The following LYZL2 variants were observed in gnomAD, a reference collection of about 807,000 sequenced individuals.
LYZL2 encodes the protein lysozyme like 2.
Under a neutral mutation model 17.1 loss-of-function variants are expected in LYZL2, and 13 were observed. The ratio of observed to expected loss-of-function variants is 0.76; its 90% CI spans 0.49 to 1.21. LYZL2 has a LOEUF of 1.21. Ranked by LOEUF, LYZL2 falls within the 50% of genes most tolerant of loss-of-function variation. LYZL2 has a pLI of 0.00. For missense variants in LYZL2, 166 were observed against 189.2 expected (o/e 0.88, Z 0.72); for synonymous variants, 63 against 74.4 (o/e 0.85, Z 0.79).
At chr10:30,624,820 C>G (rs1200620834) in intron 3 of LYZL2, among the ~76,000 whole-genome samples, 1 of 152,154 alleles carries the variant, frequency 6.6e-6, no homozygotes, top group Non-Finnish European at 1.5e-5. Flanking sequence ...GCAAAAGGGA[C>G]TCTGCCTGAG....
chr10:30,617,479 C>T (rs1838546462), intron 3 of LYZL2, among the ~76,000 whole-genome samples: 1 of 151,682 alleles, frequency 6.6e-6, no homozygotes, highest in African/African-American at 2.4e-5. Flanking sequence ...AGTTTGAGAC[C>T]AGCCTGGCCA....
rs1256071933 is a variant in LYZL2, at chr10:30,612,008, G to A, written c.394C>T (p.His132Tyr). 1 of 1,614,148 alleles carries A rather than the reference G, an allele frequency of 6.2e-7. No individual in the cohort carries two copies. Among genetic ancestry groups the A allele is most frequent in the South Asian group, 1.1e-5 (1 of 91,080 alleles). The stretch of plus-strand genomic sequence containing the variant: ...TCGGACAGGTCTCTCCCCTCACAGT[G>A]TTTCTTCCAGCCTTGCCTGAGGACG... Reference protein sequence around the residue: ...GMNYWQGWKKHCEGRDLSDWK... With the variant: ...GMNYWQGWKKYCEGRDLSDWK... The change falls in exon 5 of 5, where the codon CAC becomes TAC. Residue 132 changes from histidine to tyrosine, a missense_variant. Physicochemically the swap from His to Tyr is moderately conservative, Grantham distance 83. This residue lies in a region of LYZL2 where 134 missense variants were observed against 129.4 expected (regional missense o/e 1.04). Transcript: ENST00000647634.
At chr10:30,629,077 G>A (rs1838764786) in intron 1 of LYZL2, among the ~76,000 whole-genome samples, 1 of 152,160 alleles carries the variant, frequency 6.6e-6, no homozygotes, top group Non-Finnish European at 1.5e-5. Context: ...AAGCTGTGAG[G>A]GACAGACAAA....
At chr10:30,607,947 G>A (rs1838394543), downstream of LYZL2, among the ~76,000 whole-genome samples, 2 of 152,130 alleles carry the variant, frequency 1.3e-5, no homozygotes, top group African/African-American at 4.8e-5. Flanking sequence ...GGCCTGGAGT[G>A]GGCTAATTAG....
rs1330832371 is a variant in LYZL2 at position 30,611,916 on chromosome 10, T to C, written c.*39A>G. Reference sequence around the variant, plus strand: ...GCATTTGGACATTCACTGCAAACCCTAGGGCGTTGCTGCAAAGCATCCTGG... The same window carrying C: ...GCATTTGGACATTCACTGCAAACCCCAGGGCGTTGCTGCAAAGCATCCTGG... On this transcript the variant is annotated 3_prime_UTR_variant, in exon 5 of 5. Coordinates refer to ENST00000647634, the MANE Select transcript of LYZL2 (RefSeq NM_183058.3). 5.0e-6 allele frequency: 8 copies of C among 1,614,080 alleles called. No individual in the cohort carries two copies. The highest frequency in any genetic ancestry group is 1.7e-5 in the Admixed American group (1 of 60,012).
intron 3 of LYZL2, among the ~76,000 whole-genome samples, chr10:30,624,198 G>A (rs1267215725): frequency 6.6e-6 from 1 of 152,176 alleles, no homozygotes; most frequent in Non-Finnish European, 1.5e-5. Flanking sequence ...GCACTCAGAG[G>A]CCAACACACA....
chr10:30,608,592 G>C (rs1235971787), downstream of LYZL2, among the ~76,000 whole-genome samples: 1 of 152,166 alleles, frequency 6.6e-6, no homozygotes, highest in East Asian at 1.9e-4. Flanking sequence ...AGGGCAGCAG[G>C]GGCCTCTTGG....
chr10:30,624,320 T>C (rs1838669956), intron 3 of LYZL2, among the ~76,000 whole-genome samples: 1 of 152,204 alleles, frequency 6.6e-6, no homozygotes, highest in Non-Finnish European at 1.5e-5. Context: ...CATATACATA[T>C]AATATCTTCC....
chr10:30,618,374 C>G (rs1005329347), intron 3 of LYZL2, among the ~76,000 whole-genome samples: 2 of 152,204 alleles, frequency 1.3e-5, no homozygotes, highest in Non-Finnish European at 2.9e-5. Flanking sequence ...TCAAGTCAAT[C>G]CTAAGCCAAA....
At chr10:30,624,271 A>G (rs1269173841) in intron 3 of LYZL2, among the ~76,000 whole-genome samples, 2 of 152,194 alleles carry the variant, frequency 1.3e-5, no homozygotes, top group Non-Finnish European at 2.9e-5. Flanking sequence ...AAGAGTAGGC[A>G]TCAGCAGGGA....
At chr10:30,628,251 T>A (rs1406937214) in intron 1 of LYZL2, among the ~76,000 whole-genome samples, 3 of 152,214 alleles carry the variant, frequency 2.0e-5, no homozygotes, top group African/African-American at 7.2e-5. Context: ...CATTTCAAAA[T>A]GTGGGAGCAT....
At chr10:30,623,658 T>C (rs188054869) in intron 3 of LYZL2, among the ~76,000 whole-genome samples, 2 of 152,236 alleles carry the variant, frequency 1.3e-5, no homozygotes, top group African/African-American at 4.8e-5. Flanking sequence ...TCCGTCACTG[T>C]CTCCCATCAC....
At position 30,626,114 on chromosome 10, in the gene LYZL2, C is replaced by G; in HGVS notation, c.289G>C (p.Ala97Pro). The G allele has an allele frequency of 6.2e-7, 1 of 1,613,770 alleles. No individual in the cohort carries two copies. Among genetic ancestry groups the G allele is most frequent in the Non-Finnish European group, 8.5e-7 (1 of 1,179,788 alleles). Residue 97 changes from alanine (A) to proline (P), a missense_variant, in exon 3 of 5, where the codon GCC becomes CCC. Coordinates refer to ENST00000647634, the MANE Select transcript of LYZL2 (RefSeq NM_183058.3). ...KLKENNHCHVACSALVTDDLT... is the reference protein window; with the variant it reads ...KLKENNHCHVPCSALVTDDLT... Reference sequence around the variant, plus strand: ...AAAGTCAGAGCCTCACCTGAGCAGGCGACGTGGCAGTGGTTGTTCTCCTTC... The same window carrying G: ...AAAGTCAGAGCCTCACCTGAGCAGGGGACGTGGCAGTGGTTGTTCTCCTTC...
intron 3 of LYZL2, 87 bp downstream of exon 3, chr10:30,626,018 A>G (rs1838695448): frequency 6.5e-7 from 1 of 1,535,664 alleles, no homozygotes; most frequent in Non-Finnish European, 8.8e-7. Flanking sequence ...TCCAAATTTT[A>G]GTTAAAGCAA....
chr10:30,611,530 AG>A (rs1838433953), downstream of LYZL2, among the ~76,000 whole-genome samples: 2 of 80,388 alleles, frequency 2.5e-5, no homozygotes, highest in Non-Finnish European at 4.9e-5. Flanking sequence ...GGAAAAAGAA[AG>A]AAGGAAGGAA....
rs1588679087 is a variant in LYZL2, at chr10:30,626,723, C to T, written c.139+54G>A. The T allele has an allele frequency of 3.5e-5, 57 of 1,608,016 alleles. No individual in the cohort carries two copies. In the East Asian group the frequency reaches 1.2e-3, roughly 33 times the overall value. ...CAGGGAGTGTAGCCAGGACCTTCAA[C>T]ATCTCAGGGGAAAGGTCAAGGACAG... On this transcript the variant is annotated intron_variant, in intron 2 of 4. Transcript: ENST00000647634.
chr10:30,619,980 A>C (rs1838594554), intron 3 of LYZL2, among the ~76,000 whole-genome samples: 1 of 152,218 alleles, frequency 6.6e-6, no homozygotes, highest in Admixed American at 6.5e-5. Context: ...TCTGTTTGGC[A>C]CAGATAATAT....
At chr10:30,608,202 C>T (rs1838396714), downstream of LYZL2, among the ~76,000 whole-genome samples, 1 of 152,200 alleles carries the variant, frequency 6.6e-6, no homozygotes, top group African/African-American at 2.4e-5. Flanking sequence ...CTCAGCCTCC[C>T]CAAGTGCTGG....
chr10:30,612,919 T>C lies in LYZL2; in HGVS notation c.299-19A>G. 6.2e-7 allele frequency: 1 copy of C among 1,608,162 alleles called. No individual in the cohort carries two copies. Among genetic ancestry groups the C allele is most frequent in the Non-Finnish European group, 8.5e-7 (1 of 1,174,602 alleles). ...ACCAAGGCTGTAAAAAGAGAGGTCATCAGGGTTAGGCGAGACTTTGTTGTT... is the reference window on the plus strand; with the variant it reads ...ACCAAGGCTGTAAAAAGAGAGGTCACCAGGGTTAGGCGAGACTTTGTTGTT... On this transcript the variant is annotated intron_variant, in intron 3 of 4. Coordinates refer to ENST00000647634, the MANE Select transcript of LYZL2 (RefSeq NM_183058.3).
Sources: gnomAD v4.1 joint callset for allele counts (sites outside exome capture counted in the v4.1 genomes callset) on GRCh38, gnomAD v4.1.1 for gene constraint, gnomAD v4.1.1 regional missense constraint, MANE v1.5 for transcripts, NCBI Gene and HGNC (gene_info 2026-07-23, HGNC 2026-07-21) for gene names.